Variants in MIGA1 observed in about 807,000 individuals in gnomAD.
The protein encoded by MIGA1 is family with sequence similarity 73, member A.
In MIGA1, 58 loss-of-function variants were observed where a neutral mutation model predicts 82.0. The ratio of observed to expected loss-of-function variants is 0.71; its 90% CI spans 0.57 to 0.88. The LOEUF (loss-of-function observed/expected upper bound fraction) is 0.88. MIGA1 is among the 40% of genes least tolerant of loss of function. The pLI is 0.00. For synonymous variants in MIGA1, 249 were observed against 253.6 expected, an observed-to-expected ratio of 0.98 and a Z score of 0.17; for missense variants, 751 against 749.1, an observed-to-expected ratio of 1.00 and a Z score of -0.03.
chr1:77,789,159 TC>T (rs1302897243), intron 2 of MIGA1, among the ~76,000 whole-genome samples: 1 of 151,464 alleles, frequency 6.6e-6, no homozygotes, highest in Non-Finnish European at 1.5e-5. Context: ...AGTATTGTAT[TC>T]TTTTGGATAA....
chr1:77,866,369 A>C lies in MIGA1; in HGVS notation c.1541A>C (p.Lys514Thr). ...GCTTCAAGTTGTTGGTCGGTGCTGA[A>C]ACAGAAAAGACAACAGATGAAGGTA... Residue 514 changes from lysine to threonine, a missense_variant, in exon 14 of 16, where the codon AAA becomes ACA. Lys to Thr is a moderately conservative substitution (Grantham distance 78). Transcript: ENST00000370791. The C allele has an allele frequency of 6.2e-7, 1 of 1,614,060 alleles. No homozygotes were observed. The highest frequency in any genetic ancestry group is 1.1e-5 in the South Asian group (1 of 91,070).
intron 14 of MIGA1, among the ~76,000 whole-genome samples, chr1:77,869,846 C>T (rs1571022760): frequency 9.2e-6 from 1 of 109,086 alleles, no homozygotes; most frequent in Non-Finnish European, 1.9e-5. Flanking sequence ...CCGGACGGGG[C>T]GGCTGGCCAG....
intron 7 of MIGA1, among the ~76,000 whole-genome samples, chr1:77,842,468 A>C (rs1003891760): frequency 2.0e-5 from 3 of 152,184 alleles, no homozygotes; most frequent in East Asian, 1.9e-4. Flanking sequence ...CCTAGGTCTG[A>C]TTGTTTTTGA....
intron 7 of MIGA1, among the ~76,000 whole-genome samples, chr1:77,836,983 T>C (rs1031962357): frequency 1.2e-4 from 18 of 152,252 alleles, no homozygotes; most frequent in African/African-American, 4.3e-4. Context: ...ATATGTCAAG[T>C]AAAATAGTCT....
chr1:77,811,127 G>A (rs368185477), intron 5 of MIGA1: 2 of 1,563,688 alleles, frequency 1.3e-6, no homozygotes, highest in East Asian at 2.2e-5. Flanking sequence ...ACATTAAAAT[G>A]AACATATGTA....
At position 77,876,732 on chromosome 1, in the gene MIGA1, T is replaced by G. The variant is rs1369136539; in HGVS notation, c.*1668T>G. 1.3e-5 allele frequency: 2 copies of G among 152,242 alleles called. No homozygotes were observed. Among genetic ancestry groups the G allele is most frequent in the Non-Finnish European group, 2.9e-5 (2 of 68,038 alleles). The allele number at this position is 152,242 out of a possible 1,614,324, so 9.4% of individuals were successfully genotyped here. A position where few individuals can be genotyped will look rare whatever the true frequency, so the allele number is the denominator to read the frequency against. On this transcript the variant is annotated 3_prime_UTR_variant, in exon 16 of 16. Coordinates refer to ENST00000370791, the MANE Select transcript of MIGA1 (RefSeq NM_198549.4). ...AAGAAGAGTTTTTTCCTCCCTGGAATGTAAAACAAAAATATTTTTTAATGA... is the reference window on the plus strand; with the variant it reads ...AAGAAGAGTTTTTTCCTCCCTGGAAGGTAAAACAAAAATATTTTTTAATGA...
At chr1:77,831,211 TG>T (rs1684232857) in intron 7 of MIGA1, among the ~76,000 whole-genome samples, 1 of 152,228 alleles carries the variant, frequency 6.6e-6, no homozygotes, top group African/African-American at 2.4e-5. Flanking sequence ...AGCTGTTTTT[TG>T]CTGCAGTATC....
At chr1:77,818,815 C>T (rs1683681224) in intron 7 of MIGA1, among the ~76,000 whole-genome samples, 1 of 151,996 alleles carries the variant, frequency 6.6e-6, no homozygotes, top group African/African-American at 2.4e-5. Context: ...CGTGGTGGCT[C>T]ACGCCTGTAA....
intron 2 of MIGA1, among the ~76,000 whole-genome samples, chr1:77,799,599 CT>C (rs1258495809): frequency 6.6e-6 from 1 of 151,796 alleles, no homozygotes; most frequent in African/African-American, 2.4e-5. Flanking sequence ...TTCAGTTTTC[CT>C]TGTTGGAAGG....
chr1:77,852,077 G>T (rs1398553961), intron 8 of MIGA1, among the ~76,000 whole-genome samples: 3 of 151,918 alleles, frequency 2.0e-5, no homozygotes, highest in Non-Finnish European at 4.4e-5. Flanking sequence ...TAGAGATGGG[G>T]TTTCGCCATC....
chr1:77,802,589 A>G (rs1361600215), intron 3 of MIGA1, among the ~76,000 whole-genome samples: 1 of 152,150 alleles, frequency 6.6e-6, no homozygotes, highest in Non-Finnish European at 1.5e-5. Context: ...CCTGGACAAC[A>G]TAGTGGGACC....
intron 7 of MIGA1, among the ~76,000 whole-genome samples, chr1:77,829,635 A>T (rs1684160612): frequency 6.6e-6 from 1 of 151,566 alleles, no homozygotes; most frequent in Non-Finnish European, 1.5e-5. Flanking sequence ...CGCCCAGCTA[A>T]TTTTTTTGTA....
intron 15 of MIGA1, 54 bp downstream of exon 15, chr1:77,873,174 A>G: frequency 6.5e-7 from 1 of 1,527,654 alleles, no homozygotes; most frequent in South Asian, 1.2e-5. Flanking sequence ...AAAAGGAGAT[A>G]CGGTTTTATT....
chr1:77,813,973 C>T, intron 6 of MIGA1, 106 bp downstream of exon 6: 1 of 1,172,102 alleles, frequency 8.5e-7, no homozygotes, highest in Non-Finnish European at 1.2e-6. Flanking sequence ...CAGGCTGAGT[C>T]TTGAACTCCT....
intron 8 of MIGA1, among the ~76,000 whole-genome samples, chr1:77,858,526 T>A (rs1685346796): frequency 6.6e-6 from 1 of 152,230 alleles, no homozygotes; most frequent in African/African-American, 2.4e-5. Flanking sequence ...TTAATCAAAT[T>A]TATTGTATTT....
rs563707479 is a variant in MIGA1 at position 77,814,989 on chromosome 1, C to T, written c.772-119C>T. 1.7e-5 allele frequency: 11 copies of T among 655,874 alleles called. No homozygotes were observed. The South Asian group carries it at 3.9e-4, about 23-fold the overall frequency. The allele number at this position is 655,874 out of a possible 1,614,324, so 40.6% of individuals were successfully genotyped here. On this transcript the variant is annotated intron_variant, in intron 6 of 15. Transcript: ENST00000370791. ...TCTGCTGCTGTACTCTTTCCACCAT[C>T]TCTCAGTTGTTTTTTTATATTACTC...
chr1:77,800,491 A>C (rs964497207), intron 2 of MIGA1, among the ~76,000 whole-genome samples: 4 of 152,188 alleles, frequency 2.6e-5, no homozygotes, highest in Non-Finnish European at 5.9e-5. Flanking sequence ...GGAGGGTTGA[A>C]AGTGACATTC....
In MIGA1 at chr1:77,801,468, C is replaced by G. The variant is rs758017441; in HGVS notation, c.333C>G (p.His111Gln). 6 of 1,605,160 alleles carry G rather than the reference C, an allele frequency of 3.7e-6. No individual in the cohort carries two copies. In the East Asian group the frequency reaches 1.3e-4, roughly 36 times the overall value. The change falls in exon 3 of 16, where the codon CAC (histidine) becomes CAG (glutamine). Residue 111 changes from histidine (H) to glutamine (Q), a missense_variant. By Grantham distance (24) the His-to-Gln change is conservative. This residue lies in a region of MIGA1 where 482 missense variants were observed against 439.4 expected (regional missense o/e 1.10). Coordinates refer to ENST00000370791, the MANE Select transcript of MIGA1 (RefSeq NM_198549.4). ...AAATATTACCATGGGAACCAGAGCA[C>G]CTCATACTTGAATACACTAAAAGAG... is the stretch of plus-strand genomic sequence containing the variant.
chr1:77,866,129 A>T (rs1685654663), intron 13 of MIGA1, among the ~76,000 whole-genome samples: 2 of 151,916 alleles, frequency 1.3e-5, no homozygotes, highest in Non-Finnish European at 2.9e-5. Flanking sequence ...CTTGGCCAGG[A>T]TGGTCTCCAT....
Sources: gnomAD v4.1 joint callset for allele counts (sites outside exome capture counted in the v4.1 genomes callset) on GRCh38, gnomAD v4.1.1 for gene constraint, gnomAD v4.1.1 regional missense constraint, MANE v1.5 for transcripts, NCBI Gene and HGNC (gene_info 2026-07-23, HGNC 2026-07-21) for gene names.